Variants in AIG1 observed in about 807,000 individuals in gnomAD.
AIG1 encodes the protein androgen induced 1.
In AIG1, 23 loss-of-function variants were observed where a neutral mutation model predicts 31.4. The ratio of observed to expected loss-of-function variants is 0.73; its 90% CI spans 0.53 to 1.04. The LOEUF (loss-of-function observed/expected upper bound fraction) is 1.04, where lower values mean the gene tolerates loss of function less well. AIG1 is among the 50% of genes least tolerant of loss of function. The probability of loss-of-function intolerance (pLI) is 0.00; values close to 1 mark genes in which losing one functional copy is unlikely to be tolerated. For missense variants in AIG1, 274 were observed against 295.0 expected, an observed-to-expected ratio of 0.93 and a Z score of 0.52; for synonymous variants, 100 against 110.5, an observed-to-expected ratio of 0.90 and a Z score of 0.60.
chr6:143,098,571 A>C (rs541479320), intron 1 of AIG1, among the ~76,000 whole-genome samples: 1 of 152,146 alleles, frequency 6.6e-6, no homozygotes, highest in African/African-American at 2.4e-5. Context: ...AATACATTCT[A>C]TCTGATGTTG....
chr6:143,080,794 T>C (rs1258978436), intron 1 of AIG1, among the ~76,000 whole-genome samples: 1 of 151,940 alleles, frequency 6.6e-6, no homozygotes, highest in African/African-American at 2.4e-5. Flanking sequence ...TTGGCTCGAG[T>C]GTGACTTATC....
At chr6:143,071,900 C>T (rs1427377347) in intron 1 of AIG1, among the ~76,000 whole-genome samples, 3 of 151,990 alleles carry the variant, frequency 2.0e-5, no homozygotes, top group Non-Finnish European at 2.9e-5. Flanking sequence ...CCTCCTACCT[C>T]AGCCTCCCGA....
chr6:143,271,970 T>C (rs1460310305), intron 3 of AIG1, among the ~76,000 whole-genome samples: 1 of 152,224 alleles, frequency 6.6e-6, no homozygotes, highest in Admixed American at 6.5e-5. Context: ...AATAGGTTCC[T>C]TCAACAAAAG....
chr6:143,254,297 A>G (rs939696275), intron 3 of AIG1, among the ~76,000 whole-genome samples: 2 of 152,188 alleles, frequency 1.3e-5, no homozygotes, highest in Admixed American at 6.5e-5. Flanking sequence ...AACCTGCAAG[A>G]AGCAGGGAGG....
At position 143,326,529 on chromosome 6, in the gene AIG1, G is replaced by A. The variant is rs544492647; in HGVS notation, c.516-6753G>A. Among the ~76,000 whole-genome samples the A allele has an allele frequency of 3.7e-4, 57 of 152,058 alleles. 1 individual carries two copies. In the South Asian group the frequency reaches 0.01, roughly 28 times the overall value. ...AAAATAAACAGTCCCTCACCCCACC[G>A]AACTTACACTGTAGAGGGGGAGAAA... On this transcript the variant is annotated intron_variant, in intron 4 of 5. Coordinates refer to ENST00000357847, the MANE Select transcript of AIG1 (RefSeq NM_016108.4). The surrounding 1 kb of genome is among the most constrained non-coding windows in gnomAD (Gnocchi z 4.5).
intron 1 of AIG1, among the ~76,000 whole-genome samples, chr6:143,064,983 G>T (rs922398403): frequency 6.6e-6 from 1 of 152,170 alleles, no homozygotes; most frequent in Non-Finnish European, 1.5e-5. Flanking sequence ...GTAAAAGGTG[G>T]TTATTTATTG....
At chr6:143,150,410 G>T (rs530027186) in intron 2 of AIG1, among the ~76,000 whole-genome samples, 1 of 152,262 alleles carries the variant, frequency 6.6e-6, no homozygotes, top group East Asian at 1.9e-4. Context: ...AGTGCTAAGT[G>T]CCAGTCACTA....
At chr6:143,165,225 A>G in intron 3 of AIG1, 42 bp downstream of exon 3, 2 of 1,466,996 alleles carry the variant, frequency 1.4e-6, no homozygotes, top group Non-Finnish European at 1.9e-6. Context: ...ATTTTAAAAA[A>G]TCTATTAAAT....
At chr6:143,303,548 T>C (rs1798994749) in intron 4 of AIG1, among the ~76,000 whole-genome samples, 2 of 152,204 alleles carry the variant, frequency 1.3e-5, no homozygotes, top group Non-Finnish European at 2.9e-5. Flanking sequence ...ATATGTGGCA[T>C]TATTTCTGAG....
At chr6:143,336,286 C>T (rs2161972) in intron 5 of AIG1, among the ~76,000 whole-genome samples, 63,988 of 152,016 alleles carry the variant, frequency 0.42, 13,842 homozygotes, top group South Asian at 0.59. Flanking sequence ...GCTACAACTT[C>T]AAGATAAAAA....
chr6:143,157,314 C>A (rs1177936984), intron 2 of AIG1, among the ~76,000 whole-genome samples: 1 of 152,190 alleles, frequency 6.6e-6, no homozygotes, highest in African/African-American at 2.4e-5. Context: ...CATTGTGTGG[C>A]CTCAGGCCTT....
At chr6:143,216,751 G>A (rs537476422) in intron 3 of AIG1, among the ~76,000 whole-genome samples, 16 of 152,258 alleles carry the variant, frequency 1.1e-4, no homozygotes, top group South Asian at 2.1e-4. Context: ...ATGTGGCTGC[G>A]TCCAGGTTTT....
rs182888957 is a variant in AIG1 at position 143,205,938 on chromosome 6, G to A, written c.399+40755G>A. Among the ~76,000 whole-genome samples, 53 of 152,264 alleles carry A rather than the reference G, an allele frequency of 3.5e-4. 1 individual carries two copies. Among genetic ancestry groups the A allele is most frequent in the African/African-American group, 1.1e-3 (44 of 41,566 alleles). On this transcript the variant is annotated intron_variant, in intron 3 of 5. Transcript: ENST00000357847. The stretch of plus-strand genomic sequence containing the variant: ...TGATGGCCTTGCCAATGGAAATACC[G>A]TGTAATTGTTATATTATTTCATTTC...
At chr6:143,142,806 A>C (rs1784354851) in intron 2 of AIG1, among the ~76,000 whole-genome samples, 1 of 152,238 alleles carries the variant, frequency 6.6e-6, no homozygotes, top group South Asian at 2.1e-4. Context: ...TTTTACTTGT[A>C]ATGGGACTGT....
intron 3 of AIG1, among the ~76,000 whole-genome samples, chr6:143,175,486 C>A (rs1209805689): frequency 6.6e-6 from 1 of 152,066 alleles, no homozygotes; most frequent in African/African-American, 2.4e-5. Context: ...CTTCTTGGAG[C>A]CTTTATTCAT....
chr6:143,079,389 G>A (rs899301378), intron 1 of AIG1, among the ~76,000 whole-genome samples: 3 of 152,126 alleles, frequency 2.0e-5, no homozygotes, highest in Non-Finnish European at 2.9e-5. Context: ...GGGAAGAAAG[G>A]AGAGTAAAAA....
At chr6:143,139,848 C>CAAA (rs1784102637) in intron 2 of AIG1, among the ~76,000 whole-genome samples, 1 of 152,154 alleles carries the variant, frequency 6.6e-6, no homozygotes. Flanking sequence ...CACAGAAATT[C>CAAA]ATTTTGAGGC....
At chr6:143,206,549 G>A (rs1791121926) in intron 3 of AIG1, among the ~76,000 whole-genome samples, 1 of 152,154 alleles carries the variant, frequency 6.6e-6, no homozygotes, top group Non-Finnish European at 1.5e-5. Flanking sequence ...GATAAGAGAA[G>A]CAGAGGCAGA....
chr6:143,204,867 T>TC (rs1562487683), intron 3 of AIG1, among the ~76,000 whole-genome samples: 2 of 151,134 alleles, frequency 1.3e-5, no homozygotes, highest in African/African-American at 4.9e-5. Flanking sequence ...GGAGAAGGAG[T>TC]CATTTCTACA....
Sources: allele counts gnomAD v4.1 joint callset (sites outside exome capture counted in the v4.1 genomes callset), GRCh38; gene constraint gnomAD v4.1.1; non-coding constraint Gnocchi (gnomAD v3.1); transcripts MANE v1.5; gene names NCBI Gene and HGNC (gene_info 2026-07-23, HGNC 2026-07-21).